The following DOCK1 variants were observed in gnomAD, a reference collection of about 807,000 sequenced individuals.
DOCK1 encodes the protein dedicator of cytokinesis 1, also known as dedicator of cytokinesis protein 1.
A neutral mutation model predicts 262.7 loss-of-function variants in DOCK1; 138 were observed. That is an observed-to-expected ratio of 0.53 (90% CI 0.46 to 0.61). DOCK1 has a LOEUF of 0.61. Among genes scored for constraint, DOCK1 ranks in the 20% least tolerant of loss-of-function variants. DOCK1 has a pLI of 0.00. For synonymous variants in DOCK1, 866 were observed against 867.4 expected (o/e 1.00, Z 0.03); for missense variants, 1,908 against 2,370.7 (o/e 0.80, Z 4.05).
intron 46 of DOCK1, among the ~76,000 whole-genome samples, chr10:127,420,596 A>G (rs550440417): frequency 6.6e-6 from 1 of 152,246 alleles, no homozygotes; most frequent in Admixed American, 6.5e-5. Context: ...AGCCCAGGCC[A>G]CTTTGCTAAG....
intron 29 of DOCK1, among the ~76,000 whole-genome samples, chr10:127,300,531 C>T (rs187714077): frequency 1.3e-5 from 2 of 152,342 alleles, no homozygotes; most frequent in East Asian, 3.9e-4. Context: ...TGGCATCAGG[C>T]CACAAAAATA....
intron 27 of DOCK1, among the ~76,000 whole-genome samples, chr10:127,241,059 C>T (rs2059245873): frequency 6.6e-6 from 1 of 152,160 alleles, no homozygotes; most frequent in South Asian, 2.1e-4. Flanking sequence ...CGCGGTGGCT[C>T]ACGCCTGTAA....
At chr10:126,948,598 C>T (rs922528847) in intron 1 of DOCK1, among the ~76,000 whole-genome samples, 1 of 151,898 alleles carries the variant, frequency 6.6e-6, no homozygotes, top group Non-Finnish European at 1.5e-5. Flanking sequence ...CCTCAAAATG[C>T]TCCAGGCCAC....
intron 46 of DOCK1, 21 bp from the exon 47 acceptor site, chr10:127,425,853 G>T (rs1478000765): frequency 1.2e-6 from 2 of 1,613,784 alleles, no homozygotes; most frequent in African/African-American, 1.3e-5. Context: ...AATAAGGAAT[G>T]TCAACCTCTC....
At chr10:126,944,585 C>T (rs1333230436) in intron 1 of DOCK1, among the ~76,000 whole-genome samples, 5 of 151,908 alleles carry the variant, frequency 3.3e-5, no homozygotes, top group South Asian at 2.1e-4. Context: ...TGGAGGAGAC[C>T]GGGGAGCGGA....
At chr10:127,038,349 A>C (rs1485181354) in intron 19 of DOCK1, among the ~76,000 whole-genome samples, 3 of 152,166 alleles carry the variant, frequency 2.0e-5, no homozygotes, top group African/African-American at 7.2e-5. Flanking sequence ...CTTTGCAATC[A>C]ACCTCATCGT....
chr10:126,947,368 C>G (rs2035531908), intron 1 of DOCK1, among the ~76,000 whole-genome samples: 2 of 137,076 alleles, frequency 1.5e-5, no homozygotes, highest in African/African-American at 5.5e-5. Flanking sequence ...GGTAGTATTA[C>G]TGTTGGTGGT....
At chr10:127,127,565 A>G in intron 26 of DOCK1, 104 bp from the exon 27 acceptor site, 2 of 842,576 alleles carry the variant, frequency 2.4e-6, no homozygotes, top group East Asian at 5.3e-5. Context: ...TAAGGGTTAT[A>G]ATTGATTTAC....
intron 33 of DOCK1, among the ~76,000 whole-genome samples, chr10:127,372,526 A>G (rs1554958291): frequency 6.6e-6 from 1 of 152,348 alleles, no homozygotes; most frequent in Non-Finnish European, 1.5e-5. Context: ...TTGGTCTAAG[A>G]CCAACTGTAT....
At chr10:127,158,171 A>G (rs938231800) in intron 27 of DOCK1, among the ~76,000 whole-genome samples, 3 of 152,258 alleles carry the variant, frequency 2.0e-5, no homozygotes, top group African/African-American at 7.2e-5. Flanking sequence ...GACAGGGAAC[A>G]CAGAGTGCTG....
intron 12 of DOCK1, chr10:127,013,777 G>A (rs1426995995): frequency 3.3e-5 from 5 of 152,272 alleles, no homozygotes; most frequent in African/African-American, 9.6e-5. Flanking sequence ...TCCTGAATCA[G>A]AATGGCCTTA....
chr10:126,905,735 C>T (rs2030626137), intron 1 of DOCK1, among the ~76,000 whole-genome samples, 172 bp downstream of exon 1: 1 of 149,898 alleles, frequency 6.7e-6, no homozygotes, highest in South Asian at 2.1e-4. Flanking sequence ...CCCGGCCGCC[C>T]CGCGCCCCCG....
intron 29 of DOCK1, among the ~76,000 whole-genome samples, chr10:127,304,653 G>A (rs2061809286): frequency 1.3e-5 from 2 of 152,124 alleles, no homozygotes; most frequent in Non-Finnish European, 2.9e-5. Flanking sequence ...TGGGAGGTGA[G>A]GTGAGAGGCT....
Position 127,037,777 on chromosome 10 carries a change from G to C in DOCK1, c.1971G>C (p.Leu657Phe). The change falls in exon 19 of 52, where the codon TTG (leucine) becomes TTC (phenylalanine). Residue 657 changes from leucine to phenylalanine, a missense_variant. By Grantham distance (22) the Leu-to-Phe change is conservative. Transcript: ENST00000623213. The part of the protein sequence containing the change: ...RSNTSLLQQN[L>F]RQLMKVDGGE... ...ACACCAGCCTGCTGCAGCAGAACTT[G>C]AGGCAGCTGATGAAAGTCGATGGTG... 6.2e-7 allele frequency: 1 copy of C among 1,602,070 alleles called. No individual in the cohort carries two copies. The highest frequency in any genetic ancestry group is 2.2e-5 in the East Asian group (1 of 44,550).
In DOCK1 at chr10:127,078,046, C is replaced by T. The variant is rs557943957; in HGVS notation, c.2445+16270C>T. On this transcript the variant is annotated intron_variant, in intron 23 of 51. Coordinates refer to ENST00000623213, the MANE Select transcript of DOCK1 (RefSeq NM_001290223.2). Reference sequence around the variant, plus strand: ...TCAGAGCCGAGAAAAGGAATTTGGACGAGGAGGTGCTGTGCTAATGAGAGG... The same window carrying T: ...TCAGAGCCGAGAAAAGGAATTTGGATGAGGAGGTGCTGTGCTAATGAGAGG... Among the ~76,000 whole-genome samples the T allele has an allele frequency of 1.4e-3, 210 of 152,132 alleles. 1 individual carries two copies. Among genetic ancestry groups the T allele is most frequent in the African/African-American group, 4.7e-3 (196 of 41,486 alleles).
intron 48 of DOCK1, among the ~76,000 whole-genome samples, chr10:127,435,293 A>G (rs78917103): frequency 3.4e-3 from 511 of 152,276 alleles, no homozygotes; most frequent in African/African-American, 0.012. Context: ...TTTACAATCC[A>G]TCACCCTATC....
At chr10:126,970,633 C>A in intron 1 of DOCK1, 69 bp from the exon 2 acceptor site, 1 of 1,241,428 alleles carries the variant, frequency 8.1e-7, no homozygotes, top group Non-Finnish European at 1.2e-6. Context: ...TTAAAACAAG[C>A]CAACACGACT....
At chr10:127,085,169 C>T (rs12266167) in intron 23 of DOCK1, among the ~76,000 whole-genome samples, 32,792 of 152,058 alleles carry the variant, frequency 0.22, 4,966 homozygotes, top group African/African-American at 0.43. Context: ...GTGGCTTCCT[C>T]GATCTTTTTG....
chr10:127,364,070 C>G (rs2064752177), intron 33 of DOCK1, among the ~76,000 whole-genome samples: 1 of 152,240 alleles, frequency 6.6e-6, no homozygotes, highest in Admixed American at 6.5e-5. Flanking sequence ...GCCGGAACCT[C>G]CCTTGGTCTG....
Sources: gnomAD v4.1 joint callset for allele counts (sites outside exome capture counted in the v4.1 genomes callset) on GRCh38, gnomAD v4.1.1 for gene constraint, MANE v1.5 for transcripts, NCBI Gene and HGNC (gene_info 2026-07-23, HGNC 2026-07-21) for gene names.